Variants in TOGARAM1 observed in about 807,000 individuals in gnomAD.
TOGARAM1 encodes TOG array regulator of axonemal microtubules protein 1.
TOGARAM1 carries 100 observed loss-of-function variants against 166.6 expected under a neutral mutation model. That is an observed-to-expected ratio of 0.60 (90% CI 0.51 to 0.71). The LOEUF (loss-of-function observed/expected upper bound fraction) is 0.71, where lower values mean the gene tolerates loss of function less well. Ranked by LOEUF, TOGARAM1 falls within the 30% of genes least tolerant of loss-of-function variation. The pLI is 0.00. For synonymous variants in TOGARAM1, 758 were observed against 763.8 expected, an observed-to-expected ratio of 0.99 and a Z score of 0.13; for missense variants, 2,029 against 2,102.7, an observed-to-expected ratio of 0.96 and a Z score of 0.69.
chr14:45,045,615 G>GTATATATA (rs1881995804), intron 13 of TOGARAM1, among the ~76,000 whole-genome samples: 1 of 44,336 alleles, frequency 2.3e-5, no homozygotes. Context: ...GTGTGTGTGT[G>GTATATATA]TGTATATATA....
Position 45,046,634 on chromosome 14 carries a change from CA to C in TOGARAM1, c.4247del (p.Lys1416ArgfsTer33). 2 of 1,414,876 alleles carry C rather than the reference CA, an allele frequency of 1.4e-6. No individual in the cohort carries two copies. Among genetic ancestry groups the C allele is most frequent in the Non-Finnish European group, 9.3e-7 (1 of 1,076,844 alleles). 87.6% of individuals were successfully genotyped at this position (1,414,876 alleles called of 1,614,324 possible). A position where few individuals can be genotyped will look rare whatever the true frequency, so the allele number is the denominator to read the frequency against. The part of the protein sequence containing the change: ...FMEPERILSA[A>X]KDMAERILPA... ...GAACCAGAACGTATTTTATCTGCAG[CA>C]AAGGATATGGCTGAACGCATATTAC... On this transcript the variant is annotated frameshift_variant, in exon 14 of 20. Coordinates refer to ENST00000361462, the MANE Select transcript of TOGARAM1 (RefSeq NM_001308120.2). LOFTEE classifies it high-confidence loss of function.
intron 3 of TOGARAM1, 87 bp downstream of exon 3, chr14:44,999,584 C>A: frequency 9.5e-7 from 1 of 1,048,828 alleles, no homozygotes; most frequent in Non-Finnish European, 1.3e-6. Flanking sequence ...ATTTTGTGTA[C>A]TCATACTCAT....
chr14:44,997,627 C>A (rs181078227), intron 2 of TOGARAM1, among the ~76,000 whole-genome samples: 1 of 151,972 alleles, frequency 6.6e-6, no homozygotes, highest in East Asian at 1.9e-4. Flanking sequence ...TTGACCATAA[C>A]ATTTAGAAGA....
At chr14:45,027,088 C>T (rs905027027) in intron 8 of TOGARAM1, among the ~76,000 whole-genome samples, 4 of 152,146 alleles carry the variant, frequency 2.6e-5, no homozygotes, top group African/African-American at 9.7e-5. Flanking sequence ...TAATATGCAG[C>T]TCTCACTTAT....
intron 5 of TOGARAM1, among the ~76,000 whole-genome samples, chr14:45,008,458 A>G (rs1879593222): frequency 1.3e-5 from 2 of 152,080 alleles, no homozygotes; most frequent in South Asian, 4.1e-4. Context: ...TGTAATTTTA[A>G]TACTTGCAAG....
At chr14:45,010,419 A>C (rs1397644432) in intron 6 of TOGARAM1, among the ~76,000 whole-genome samples, 2 of 152,234 alleles carry the variant, frequency 1.3e-5, no homozygotes, top group Non-Finnish European at 2.9e-5. Flanking sequence ...GTTATAAGAC[A>C]CAAAATATAT....
At chr14:44,966,670 T>G (rs1007627792) in intron 1 of TOGARAM1, among the ~76,000 whole-genome samples, 1 of 152,176 alleles carries the variant, frequency 6.6e-6, no homozygotes, top group African/African-American at 2.4e-5. Flanking sequence ...CTGGCTCCTG[T>G]GTCCTTTTAA....
chr14:44,984,000 A>G (rs1198537567), intron 1 of TOGARAM1, among the ~76,000 whole-genome samples: 2 of 152,214 alleles, frequency 1.3e-5, no homozygotes, highest in Admixed American at 6.5e-5. Context: ...GTCACCTTGC[A>G]TGAATAGTGG....
chr14:45,053,553 G>A (rs1882484817), intron 15 of TOGARAM1, among the ~76,000 whole-genome samples: 1 of 151,944 alleles, frequency 6.6e-6, no homozygotes, highest in Non-Finnish European at 1.5e-5. Flanking sequence ...ACTTGTGAAG[G>A]AATAATATTA....
intron 7 of TOGARAM1, among the ~76,000 whole-genome samples, chr14:45,023,448 A>G (rs552424407): frequency 1.3e-5 from 2 of 152,312 alleles, no homozygotes; most frequent in African/African-American, 4.8e-5. Context: ...TGCTGTTCAC[A>G]TCATGAGATG....
chr14:44,993,140 T>C lies in TOGARAM1; in HGVS notation c.2047-2606T>C, dbSNP rs549181940. Among the ~76,000 whole-genome samples, 3 of 151,674 alleles carry C rather than the reference T, an allele frequency of 2.0e-5. No individual in the cohort carries two copies. The South Asian group carries it at 6.3e-4, about 32-fold the overall frequency. ...AAGATAAATAAAATAAAAATAAAAT[T>C]AGCTGGGTGTGGTGGCACATGCCTA... On this transcript the variant is annotated intron_variant, in intron 1 of 19. Transcript: ENST00000361462.
At chr14:44,994,373 CCT>C (rs1432839189) in intron 1 of TOGARAM1, among the ~76,000 whole-genome samples, 1 of 152,034 alleles carries the variant, frequency 6.6e-6, no homozygotes, top group Non-Finnish European at 1.5e-5. Context: ...CCCACCTTGG[CCT>C]CTCAAAGTGC....
chr14:45,072,950 C>T (rs1401868245), intron 19 of TOGARAM1, among the ~76,000 whole-genome samples: 1 of 152,148 alleles, frequency 6.6e-6, no homozygotes, highest in Non-Finnish European at 1.5e-5. Context: ...TTGGTTCTTA[C>T]AGAAAACTGC....
chr14:45,004,353 G>T lies in TOGARAM1; in HGVS notation c.2631G>T (p.Thr877=), dbSNP rs369978624. ...KLVSQKSSDP[T]GRNHGENSQE... Reference sequence around the variant, plus strand: ...TCAGCCAAAAATCGTCTGATCCTACGGGTAGAAATCATGGTAAAAGTCAAT... The same window carrying T: ...TCAGCCAAAAATCGTCTGATCCTACTGGTAGAAATCATGGTAAAAGTCAAT... Residue 877 remains threonine, a synonymous_variant, in exon 4 of 20, where the codon ACG becomes ACT. Transcript: ENST00000361462. 80 of 1,612,624 alleles carry T rather than the reference G, an allele frequency of 5.0e-5. No individual in the cohort carries two copies. The highest frequency in any genetic ancestry group is 6.6e-5 in the Non-Finnish European group (78 of 1,179,596).
At chr14:45,030,246 A>G (rs1881082912) in intron 10 of TOGARAM1, among the ~76,000 whole-genome samples, 1 of 152,220 alleles carries the variant, frequency 6.6e-6, no homozygotes, top group Non-Finnish European at 1.5e-5. Context: ...AGGTGATAGT[A>G]CTTTGTATTG....
chr14:44,963,714 G>A lies in TOGARAM1; in HGVS notation c.1293G>A (p.Gln431=), dbSNP rs962418201. The change falls in exon 1 of 20, where the codon CAG becomes CAA. Residue 431 remains glutamine, a synonymous_variant. Coordinates refer to ENST00000361462, the MANE Select transcript of TOGARAM1 (RefSeq NM_001308120.2). ...TTCGCCTTGGAGAGCAGGTACAGCA[G>A]TTCTTGGGACCAGTTATAGCAGCTT... The part of the protein sequence containing the change: ...LVIRLGEQVQ[Q]FLGPVIAASV... The A allele has an allele frequency of 6.8e-6, 11 of 1,613,898 alleles. No individual in the cohort carries two copies. Among genetic ancestry groups the A allele is most frequent in the Non-Finnish European group, 4.2e-6 (5 of 1,180,022 alleles).
chr14:44,987,428 A>C (rs1040592171), intron 1 of TOGARAM1, among the ~76,000 whole-genome samples: 17 of 152,330 alleles, frequency 1.1e-4, no homozygotes, highest in African/African-American at 3.4e-4. Flanking sequence ...AAACAACCCC[A>C]TCAACAAGTG....
intron 18 of TOGARAM1, among the ~76,000 whole-genome samples, chr14:45,069,387 A>T (rs891546186): frequency 1.5e-5 from 2 of 135,460 alleles, no homozygotes; most frequent in African/African-American, 5.0e-5. Context: ...TTAAAAAATT[A>T]AAAAAAAATA....
At chr14:44,996,065 C>G in intron 2 of TOGARAM1, 163 bp downstream of exon 2, 1 of 484,402 alleles carries the variant, frequency 2.1e-6, no homozygotes, top group Non-Finnish European at 3.4e-6. Flanking sequence ...ATTATTATCT[C>G]ATAAAACCCT....
Sources: gnomAD v4.1 joint callset for allele counts (sites outside exome capture counted in the v4.1 genomes callset) on GRCh38, gnomAD v4.1.1 for gene constraint, MANE v1.5 for transcripts, NCBI Gene and HGNC (gene_info 2026-07-23, HGNC 2026-07-21) for gene names.